The following ATOSA variants were observed in gnomAD, a reference collection of about 807,000 sequenced individuals.
The protein encoded by ATOSA is atos homolog A, also known as atos homolog protein A.
the ATOSA span, chr15:52,613,886 C>T: frequency 6.3e-7 from 1 of 1,584,790 alleles, no homozygotes; most frequent in African/African-American, 1.3e-5. Context: ...AAAGGGTCCT[C>T]AATTTAATGT....
chr15:52,682,804 A>G, the ATOSA span, among the ~76,000 whole-genome samples: 1 of 152,238 alleles, frequency 6.6e-6, no homozygotes, highest in African/African-American at 2.4e-5. Context: ...AATGCAAGCT[A>G]TCTTTTCCAT....
At chr15:52,658,912 G>C in the ATOSA span, 12 of 396,562 alleles carry the variant, frequency 3.0e-5, no homozygotes, top group Admixed American at 4.0e-4. Context: ...TTGAGCCTAG[G>C]AACTGGAGGT....
the ATOSA span, among the ~76,000 whole-genome samples, chr15:52,622,004 G>A: frequency 1.3e-5 from 2 of 152,040 alleles, no homozygotes; most frequent in Admixed American, 1.3e-4. Context: ...GCTCCACCAT[G>A]TCCAGCTAAT....
At chr15:52,612,545 C>A in the ATOSA span, among the ~76,000 whole-genome samples, 2 of 149,432 alleles carry the variant, frequency 1.3e-5, no homozygotes, top group African/African-American at 5.0e-5. Context: ...ACTCTTGTCT[C>A]CCAGGCTGGA....
the ATOSA span, among the ~76,000 whole-genome samples, chr15:52,652,511 A>T: frequency 6.6e-6 from 1 of 152,204 alleles, no homozygotes; most frequent in East Asian, 1.9e-4. Context: ...ACTTTATATA[A>T]AGTATTTTAC....
At chr15:52,692,824 C>CT in the ATOSA span, among the ~76,000 whole-genome samples, 94,071 of 148,196 alleles carry the variant, frequency 0.63, 30,146 homozygotes, top group Admixed American at 0.7. Context: ...AGCACAGGGC[C>CT]TTTTTTTTTT....
the ATOSA span, among the ~76,000 whole-genome samples, chr15:52,620,490 G>A: frequency 6.6e-6 from 1 of 152,182 alleles, no homozygotes; most frequent in South Asian, 2.1e-4. Context: ...CTACTTCAAT[G>A]GGAGTGGAAG....
chr15:52,674,890 T>C, the ATOSA span, among the ~76,000 whole-genome samples: 7 of 151,164 alleles, frequency 4.6e-5, no homozygotes, highest in East Asian at 1.4e-3. Context: ...TAAGCATTTG[T>C]AATGTTTATT....
the ATOSA span, among the ~76,000 whole-genome samples, chr15:52,689,577 T>G: frequency 2.0e-5 from 3 of 152,254 alleles, no homozygotes; most frequent in Admixed American, 2.0e-4. Flanking sequence ...TCAGTGTACC[T>G]GCCTCATTTG....
chr15:52,683,797 G>A, the ATOSA span, among the ~76,000 whole-genome samples: 5 of 152,130 alleles, frequency 3.3e-5, no homozygotes, highest in Admixed American at 1.3e-4. Flanking sequence ...ATCTGTTACT[G>A]GTCTCTTAGT....
At chr15:52,674,172 C>A in the ATOSA span, among the ~76,000 whole-genome samples, 4 of 150,658 alleles carry the variant, frequency 2.7e-5, no homozygotes, top group South Asian at 8.4e-4. Flanking sequence ...ACATTTAGAA[C>A]ATAACCTAAT....
chr15:52,650,410 TCA>T, the ATOSA span, among the ~76,000 whole-genome samples: 1 of 152,212 alleles, frequency 6.6e-6, no homozygotes, highest in African/African-American at 2.4e-5. Flanking sequence ...CTTTTAAACT[TCA>T]GCCACATGTA....
chr15:52,593,670 C>T, the ATOSA span: 3 of 1,559,618 alleles, frequency 1.9e-6, no homozygotes, highest in Non-Finnish European at 2.6e-6. Flanking sequence ...GCACCACTTG[C>T]CCCTACCTCG....
chr15:52,629,634 T>C, the ATOSA span: 1 of 408,408 alleles, frequency 2.4e-6, no homozygotes, highest in Non-Finnish European at 5.0e-6. Context: ...AAATCCTGTC[T>C]CTACTAAAAA....
At chr15:52,671,287 A>C in the ATOSA span, among the ~76,000 whole-genome samples, 2 of 152,242 alleles carry the variant, frequency 1.3e-5, no homozygotes, top group Admixed American at 1.3e-4. Flanking sequence ...AATTAAGTAT[A>C]AAATTGTGAT....
At chr15:52,677,967 G>A in the ATOSA span, 2 of 1,613,680 alleles carry the variant, frequency 1.2e-6, no homozygotes, top group African/African-American at 1.3e-5. Context: ...AGAAAAGAAG[G>A]GGGTGGGGGA....
At chr15:52,621,073 A>G in the ATOSA span, among the ~76,000 whole-genome samples, 1 of 152,218 alleles carries the variant, frequency 6.6e-6, no homozygotes, top group Non-Finnish European at 1.5e-5. Context: ...ATGTTCAAGG[A>G]TGTTTATGAA....
the ATOSA span, among the ~76,000 whole-genome samples, chr15:52,677,847 C>G: frequency 1.3e-5 from 2 of 152,182 alleles, no homozygotes; most frequent in South Asian, 4.1e-4. Context: ...TTCCATATGC[C>G]TTTCTCTACC....
At chr15:52,638,937 C>T in the ATOSA span, among the ~76,000 whole-genome samples, 10 of 151,928 alleles carry the variant, frequency 6.6e-5, no homozygotes, top group African/African-American at 2.4e-4. Context: ...AATCTATTCA[C>T]TTATTCTAAA....
Sources: allele counts gnomAD v4.1 joint callset (sites outside exome capture counted in the v4.1 genomes callset), GRCh38; gene constraint gnomAD v4.1.1; transcripts MANE v1.5; gene names NCBI Gene and HGNC (gene_info 2026-07-23, HGNC 2026-07-21).